Variants in JMJD4 observed in about 807,000 individuals in gnomAD.
The protein encoded by JMJD4 is jumonji domain containing 4, also known as 2-oxoglutarate and iron-dependent oxygenase JMJD4.
JMJD4 carries 34 observed loss-of-function variants against 36.3 expected under a neutral mutation model. That is an observed-to-expected ratio of 0.94 (90% CI 0.71 to 1.25). JMJD4 has a LOEUF of 1.25. Ranked by LOEUF, JMJD4 falls within the 50% of genes most tolerant of loss-of-function variation. JMJD4 has a pLI of 0.00. For synonymous variants in JMJD4, 269 were observed against 235.3 expected (o/e 1.14, Z -1.31); for missense variants, 584 against 559.1 (o/e 1.04, Z -0.45).
Position 227,732,289 on chromosome 1 carries a change from G to T in JMJD4, c.*103C>A. On this transcript the variant is annotated 3_prime_UTR_variant, in exon 6 of 6. Coordinates refer to ENST00000620518, the MANE Select transcript of JMJD4 (RefSeq NM_023007.3). ...ACAGCCAGGCCACAAGCCTCGACAG[G>T]GGTGGGCCCCAGGTCACAGGGAGGG... The T allele has an allele frequency of 7.3e-7, 1 of 1,368,126 alleles. No homozygotes were observed. Among genetic ancestry groups the T allele is most frequent in the Non-Finnish European group, 1.0e-6 (1 of 980,212 alleles). 84.7% of individuals were successfully genotyped at this position (1,368,126 alleles called of 1,614,324 possible).
Position 227,733,633 on chromosome 1 carries a change from A to C in JMJD4, c.603T>G (p.Asn201Lys). 6.2e-7 allele frequency: 1 copy of C among 1,604,732 alleles called. No individual in the cohort carries two copies. The highest frequency in any genetic ancestry group is 8.5e-7 in the Non-Finnish European group (1 of 1,179,316). The change falls in exon 4 of 6, where the codon AAT becomes AAG. Residue 201 changes from asparagine to lysine, a missense_variant. Coordinates refer to ENST00000620518, the MANE Select transcript of JMJD4 (RefSeq NM_023007.3). ...GGAGCCACTTCTTCCTCCCACAGAC[A>C]TTGACAGACCAGCTGAAGGAGCGGA... The part of the protein sequence containing the change: ...DIFRSFSWSV[N>K]VCGRKKWLLF...
chr1:227,735,259 C>A lies in JMJD4; in HGVS notation c.15G>T (p.Thr5=). Reference sequence around the variant, plus strand: ...GGAAGTGGCTGTCGGCGAGGGCGCGCGTCTCGCGGTCCATCCAGCTCAGCA... The same window carrying A: ...GGAAGTGGCTGTCGGCGAGGGCGCGAGTCTCGCGGTCCATCCAGCTCAGCA... MDRE[T]RALADSHFRG... The change falls in exon 1 of 6, where the codon ACG becomes ACT. Residue 5 remains threonine (T), a synonymous_variant. Coordinates refer to ENST00000620518, the MANE Select transcript of JMJD4 (RefSeq NM_023007.3). 6.2e-7 allele frequency: 1 copy of A among 1,604,146 alleles called. No homozygotes were observed. The highest frequency in any genetic ancestry group is 8.5e-7 in the Non-Finnish European group (1 of 1,176,232).
Position 227,734,834 on chromosome 1 carries a change from G to A in JMJD4, c.263-18C>T. The A allele has an allele frequency of 6.2e-7, 1 of 1,613,168 alleles. No individual in the cohort carries two copies. Among genetic ancestry groups the A allele is most frequent in the Non-Finnish European group, 8.5e-7 (1 of 1,179,898 alleles). ...CACGTCTCCTGAAATGAAAGGCACG[G>A]TCCATGCCATCTCCCTGGGCCCCGT... On this transcript the variant is annotated intron_variant, in intron 1 of 5. Transcript: ENST00000620518.
Position 227,732,966 on chromosome 1 carries a change from C to T in JMJD4, c.884G>A (p.Arg295His), listed in dbSNP as rs151093866. Residue 295 changes from arginine (R) to histidine (H), a missense_variant, in exon 5 of 6, where the codon CGC becomes CAC. Physicochemically the swap from Arg to His is conservative, Grantham distance 29. Transcript: ENST00000620518. The part of the protein sequence containing the change: ...VNGFNLANMW[R>H]FLQQELCAVQ... ...GGCGCATAGCTCCTGCTGCAAGAAGCGCCACATGTTGGCCAGGTTGAAGCC... is the reference window on the plus strand; with the variant it reads ...GGCGCATAGCTCCTGCTGCAAGAAGTGCCACATGTTGGCCAGGTTGAAGCC... 7.4e-6 allele frequency: 12 copies of T among 1,613,372 alleles called. No individual in the cohort carries two copies. Among genetic ancestry groups the T allele is most frequent in the African/African-American group, 6.7e-5 (5 of 75,074 alleles).
At chr1:227,733,830 C>T in intron 3 of JMJD4, 77 bp downstream of exon 3, 1 of 1,596,890 alleles carries the variant, frequency 6.3e-7, no homozygotes, top group Non-Finnish European at 8.5e-7. Context: ...AGCAGCCCCC[C>T]TCCTGCCACC....
rs1472712162 is a variant in JMJD4 at position 227,731,717 on chromosome 1, G to C, written c.*675C>G. On this transcript the variant is annotated 3_prime_UTR_variant, in exon 6 of 6. Coordinates refer to ENST00000620518, the MANE Select transcript of JMJD4 (RefSeq NM_023007.3). The stretch of plus-strand genomic sequence containing the variant: ...CATCCTTGGGAAGACCCAGCTGTGA[G>C]TGCACAGCAGGCACAGTCCCTCAGG... 2 of 154,932 alleles carry C rather than the reference G, an allele frequency of 1.3e-5. No homozygotes were observed. The highest frequency in any genetic ancestry group is 2.9e-5 in the Non-Finnish European group (2 of 69,790). The allele number at this position is 154,932 out of a possible 1,614,324, so 9.6% of individuals were successfully genotyped here.
chr1:227,731,543 C>A lies in JMJD4; in HGVS notation c.*849G>T, dbSNP rs879630472. 6.6e-6 allele frequency: 1 copy of A among 152,290 alleles called. No homozygotes were observed. Among genetic ancestry groups the A allele is most frequent in the African/African-American group, 2.4e-5 (1 of 41,446 alleles). The allele number at this position is 152,290 out of a possible 1,614,324, so 9.4% of individuals were successfully genotyped here. A position where few individuals can be genotyped will look rare whatever the true frequency, so the allele number is the denominator to read the frequency against. On this transcript the variant is annotated 3_prime_UTR_variant, in exon 6 of 6. Transcript: ENST00000620518. ...ACTAGAGGGTTCAGGCCTGGGGCAT[C>A]CTCTGCAAGAGGATCCCACGAGAGT... is the stretch of plus-strand genomic sequence containing the variant.
chr1:227,734,615 G>A, intron 2 of JMJD4, 36 bp downstream of exon 2: 2 of 1,608,690 alleles, frequency 1.2e-6, no homozygotes, highest in Non-Finnish European at 1.7e-6. Flanking sequence ...CAGCGCTAGG[G>A]AAGGCAGCGC....
Position 227,731,912 on chromosome 1 carries a change from A to G in JMJD4, c.*480T>C, listed in dbSNP as rs984093297. 2.4e-5 allele frequency: 4 copies of G among 167,464 alleles called. No individual in the cohort carries two copies. Among genetic ancestry groups the G allele is most frequent in the African/African-American group, 4.8e-5 (2 of 41,996 alleles). The allele number at this position is 167,464 out of a possible 1,614,324, so 10.4% of individuals were successfully genotyped here. ...GCTGGTTCCACAGCCCATCACCTGG[A>G]GGTGATGGAGGCCAACCCCAGCCCT... On this transcript the variant is annotated 3_prime_UTR_variant, in exon 6 of 6. Coordinates refer to ENST00000620518, the MANE Select transcript of JMJD4 (RefSeq NM_023007.3).
rs200050685 is a variant in JMJD4, at chr1:227,733,508, C to T, written c.728G>A (p.Arg243Gln). 17 of 1,595,970 alleles carry T rather than the reference C, an allele frequency of 1.1e-5. No homozygotes were observed. In the East Asian group the frequency reaches 2.2e-4, roughly 21 times the overall value. Reference sequence around the variant, plus strand: ...CAAGGGTGGGCCAGCAAGCTGGTTCCGTGGGTGCAGGTGTGTGTCGCAGAG... The same window carrying T: ...CAAGGGTGGGCCAGCAAGCTGGTTCTGTGGGTGCAGGTGTGTGTCGCAGAG... ...PALCDTHLHP[R>Q]NQLAGPPLEI... Residue 243 changes from arginine to glutamine, a missense_variant, in exon 4 of 6, where the codon CGG becomes CAG. Transcript: ENST00000620518.
Position 227,732,498 on chromosome 1 carries a change from A to G in JMJD4, c.1148T>C (p.Val383Ala), listed in dbSNP as rs760755940. Residue 383 changes from valine (V) to alanine (A), a missense_variant, in exon 6 of 6, where the codon GTT becomes GCT. Physicochemically the swap from Val to Ala is moderately conservative, Grantham distance 64. Coordinates refer to ENST00000620518, the MANE Select transcript of JMJD4 (RefSeq NM_023007.3). Reference protein sequence around the residue: ...GRITEVLASLVAHPDFQRVDT... With the variant: ...GRITEVLASLAAHPDFQRVDT... ...CACTCTCTGGAAGTCGGGGTGCGCAACCAAGGAGGCCAGCACCTCTGTGAT... is the reference window on the plus strand; with the variant it reads ...CACTCTCTGGAAGTCGGGGTGCGCAGCCAAGGAGGCCAGCACCTCTGTGAT... 6.2e-7 allele frequency: 1 copy of G among 1,613,210 alleles called. No homozygotes were observed. Among genetic ancestry groups the G allele is most frequent in the Non-Finnish European group, 8.5e-7 (1 of 1,180,012 alleles).
Position 227,732,499 on chromosome 1 carries a change from C to G in JMJD4, c.1147G>C (p.Val383Leu). 3.7e-6 allele frequency: 6 copies of G among 1,613,348 alleles called. No homozygotes were observed. Among genetic ancestry groups the G allele is most frequent in the Non-Finnish European group, 5.1e-6 (6 of 1,180,014 alleles). ...ACTCTCTGGAAGTCGGGGTGCGCAA[C>G]CAAGGAGGCCAGCACCTCTGTGATG... ...GRITEVLASL[V>L]AHPDFQRVDT... The change falls in exon 6 of 6, where the codon GTT becomes CTT. Residue 383 changes from valine (V) to leucine (L), a missense_variant. Val to Leu is a conservative substitution (Grantham distance 32). Coordinates refer to ENST00000620518, the MANE Select transcript of JMJD4 (RefSeq NM_023007.3).
Position 227,732,459 on chromosome 1 carries a change from A to G in JMJD4, c.1187T>C (p.Phe396Ser), listed in dbSNP as rs754769252. The G allele has an allele frequency of 6.2e-7, 1 of 1,613,308 alleles. No homozygotes were observed. The highest frequency in any genetic ancestry group is 8.5e-7 in the Non-Finnish European group (1 of 1,180,036). ...PDFQRVDTSA[F>S]SPQPKELLQQ... ...CAGCAGCTCTTTGGGCTGTGGTGAG[A>G]ACGCGCTGGTGTCCACTCTCTGGAA... The change falls in exon 6 of 6, where the codon TTC (phenylalanine) becomes TCC (serine). Residue 396 changes from phenylalanine to serine, a missense_variant. Phe to Ser is a radical substitution (Grantham distance 155). Coordinates refer to ENST00000620518, the MANE Select transcript of JMJD4 (RefSeq NM_023007.3).
Position 227,733,555 on chromosome 1 carries a change from G to T in JMJD4, c.681C>A (p.Pro227=). The T allele has an allele frequency of 6.2e-7, 1 of 1,606,676 alleles. No individual in the cohort carries two copies. The highest frequency in any genetic ancestry group is 1.1e-5 in the South Asian group (1 of 90,698). ...EALRDRHGNL[P]YDVTSPALCD... ...AGAGTGCTGGGGAGGTCACGTCGTA[G>T]GGCAGGTTGCCGTGGCGGTCCCGCA... is the stretch of plus-strand genomic sequence containing the variant. The change falls in exon 4 of 6, where the codon CCC becomes CCA. Residue 227 remains proline, a synonymous_variant. Transcript: ENST00000620518.
rs1422376272 is a variant in JMJD4, at chr1:227,732,247, C to T, written c.*145G>A. On this transcript the variant is annotated 3_prime_UTR_variant, in exon 6 of 6. Coordinates refer to ENST00000620518, the MANE Select transcript of JMJD4 (RefSeq NM_023007.3). The stretch of plus-strand genomic sequence containing the variant: ...TTGGGCCTCACCTGAAAACAGGCAC[C>T]CAGGCAGTGGCCATGAACAGCCAGG... The T allele has an allele frequency of 4.3e-6, 4 of 939,118 alleles. No individual in the cohort carries two copies. The highest frequency in any genetic ancestry group is 6.5e-6 in the Non-Finnish European group (4 of 612,272). 58.2% of individuals were successfully genotyped at this position (939,118 alleles called of 1,614,324 possible). A position where few individuals can be genotyped will look rare whatever the true frequency, so the allele number is the denominator to read the frequency against.
chr1:227,734,839 T>C (rs1660962282), intron 1 of JMJD4, 23 bp from the exon 2 acceptor site: 3 of 1,612,770 alleles, frequency 1.9e-6, no homozygotes, highest in Non-Finnish European at 2.5e-6. Flanking sequence ...GCACGGTCCA[T>C]GCCATCTCCC....
Position 227,733,432 on chromosome 1 carries a change from G to A in JMJD4, c.804C>T (p.His268=). ...ACATTACCAGGTTGTGCACCTGGTG[G>A]TGCCAGCCACTGGGCACAAACACCA... The part of the protein sequence containing the change: ...GEMVFVPSGW[H]HQVHNLDDTI... Residue 268 remains histidine (H), a synonymous_variant, in exon 4 of 6, where the codon CAC becomes CAT. Coordinates refer to ENST00000620518, the MANE Select transcript of JMJD4 (RefSeq NM_023007.3). 1.3e-6 allele frequency: 2 copies of A among 1,579,002 alleles called. No homozygotes were observed. The highest frequency in any genetic ancestry group is 1.1e-5 in the South Asian group (1 of 87,068).
chr1:227,735,285 C>T lies in JMJD4; in HGVS notation c.-12G>A. On this transcript the variant is annotated 5_prime_UTR_variant, in exon 1 of 6. In the 5' UTR this introduces an upstream ATG that the reference lacks. Transcript: ENST00000620518. ...GTCTCGCGGTCCATCCAGCTCAGCA[C>T]GGGTCGAAGGACCCTCCTCCTCACT... 1 of 1,606,138 alleles carries T rather than the reference C, an allele frequency of 6.2e-7. No individual in the cohort carries two copies. The highest frequency in any genetic ancestry group is 1.1e-5 in the South Asian group (1 of 90,166).
At position 227,732,215 on chromosome 1, in the gene JMJD4, G is replaced by A; in HGVS notation, c.*177C>T. On this transcript the variant is annotated 3_prime_UTR_variant, in exon 6 of 6. Coordinates refer to ENST00000620518, the MANE Select transcript of JMJD4 (RefSeq NM_023007.3). ...GGGCCACATCCCATCTTGGGTCCCT[G>A]ACCTCATTGGGCCTCACCTGAAAAC... The A allele has an allele frequency of 1.4e-6, 1 of 692,690 alleles. No homozygotes were observed. Among genetic ancestry groups the A allele is most frequent in the East Asian group, 2.7e-5 (1 of 37,282 alleles). The allele number at this position is 692,690 out of a possible 1,614,324, so 42.9% of individuals were successfully genotyped here.
Sources: gnomAD v4.1 joint callset for allele counts on GRCh38, gnomAD v4.1.1 for gene constraint, MANE v1.5 for transcripts, NCBI Gene and HGNC (gene_info 2026-07-23, HGNC 2026-07-21) for gene names.